PSD3: variants seen among roughly 807,000 people sequenced by gnomAD.
PSD3 encodes the protein pleckstrin and Sec7 domain containing 3, also known as PH and SEC7 domain-containing protein 3.
In PSD3, 49 loss-of-function variants were observed where a neutral mutation model predicts 105.5. The observed-to-expected ratio is 0.46, with a 90% CI of 0.37 to 0.59. The LOEUF is 0.59. PSD3 is among the 20% of genes least tolerant of loss of function. The probability of loss-of-function intolerance (pLI) is 0.00; values close to 1 mark genes in which losing one functional copy is unlikely to be tolerated. For synonymous variants in PSD3, 557 were observed against 457.8 expected (o/e 1.22, Z -2.77); for missense variants, 1,561 against 1,263.8 (o/e 1.24, Z -3.57).
chr8:18,826,105 T>C (rs1001462733), intron 4 of PSD3, among the ~76,000 whole-genome samples: 62 of 152,290 alleles, frequency 4.1e-4, no homozygotes, highest in African/African-American at 1.4e-3. Context: ...ATTCAATCTC[T>C]TCCTGACTGC....
intron 1 of PSD3, among the ~76,000 whole-genome samples, chr8:18,961,327 C>A (rs1823902339): frequency 6.6e-6 from 1 of 152,086 alleles, no homozygotes; most frequent in Non-Finnish European, 1.5e-5. Context: ...CAATATAGTA[C>A]ACAAAGAAGG....
At chr8:18,873,347 GA>G (rs1183807691) in intron 2 of PSD3, among the ~76,000 whole-genome samples, 7 of 152,156 alleles carry the variant, frequency 4.6e-5, no homozygotes, top group Non-Finnish European at 8.8e-5. Flanking sequence ...AGTGTGTTGA[GA>G]AAGACTTCCA....
chr8:18,953,533 G>T (rs1234379029), intron 1 of PSD3, among the ~76,000 whole-genome samples: 1 of 152,152 alleles, frequency 6.6e-6, no homozygotes, highest in Non-Finnish European at 1.5e-5. Flanking sequence ...TGGATTACCA[G>T]AGGTCAGGAG....
intron 11 of PSD3, among the ~76,000 whole-genome samples, chr8:18,603,101 G>A (rs186649528): frequency 9.2e-5 from 14 of 152,278 alleles, no homozygotes; most frequent in African/African-American, 1.7e-4. Flanking sequence ...GGTATCTTCC[G>A]TGAGAAAGTG....
chr8:18,570,843 C>CTATCATTATTAT (rs149261930), intron 14 of PSD3, among the ~76,000 whole-genome samples: 58 of 117,422 alleles, frequency 4.9e-4, no homozygotes, highest in South Asian at 2.3e-3. Context: ...CTGCTTAAAA[C>CTATCATTATTAT]TATTATTATT....
At chr8:18,738,425 C>G (rs141304126) in intron 9 of PSD3, among the ~76,000 whole-genome samples, 5 of 152,274 alleles carry the variant, frequency 3.3e-5, no homozygotes, top group Non-Finnish European at 7.4e-5. Context: ...GAGATAACAT[C>G]TGCATTGTCA....
chr8:18,704,135 GT>G (rs1801750360), intron 9 of PSD3, among the ~76,000 whole-genome samples: 1 of 152,188 alleles, frequency 6.6e-6, no homozygotes, highest in African/African-American at 2.4e-5. Context: ...TAAAACGCTA[GT>G]AGTTCTTTAG....
intron 1 of PSD3, among the ~76,000 whole-genome samples, chr8:19,012,874 G>A (rs1176940180): frequency 6.6e-6 from 1 of 152,134 alleles, no homozygotes; most frequent in South Asian, 2.1e-4. Context: ...AAATGAAATC[G>A]TGGTGCCCAT....
intron 4 of PSD3, among the ~76,000 whole-genome samples, chr8:18,850,920 C>T (rs1034436073): frequency 2.0e-5 from 3 of 152,264 alleles, no homozygotes; most frequent in African/African-American, 7.2e-5. Context: ...ATTGCCCCCC[C>T]TCCCTTCTGA....
intron 4 of PSD3, among the ~76,000 whole-genome samples, chr8:18,827,861 C>A (rs995442988): frequency 6.7e-6 from 1 of 150,348 alleles, no homozygotes; most frequent in Admixed American, 6.6e-5. Context: ...CTTGGTGAAT[C>A]ATAGTGCCTT....
intron 14 of PSD3, among the ~76,000 whole-genome samples, chr8:18,572,300 C>T (rs1257819442): frequency 1.3e-5 from 2 of 152,104 alleles, no homozygotes; most frequent in Non-Finnish European, 2.9e-5. Context: ...ACCTTAGAAA[C>T]TGAATCAAAG....
At chr8:18,954,770 A>C (rs1311076351) in intron 1 of PSD3, among the ~76,000 whole-genome samples, 1 of 152,168 alleles carries the variant, frequency 6.6e-6, no homozygotes, top group East Asian at 1.9e-4. Flanking sequence ...GTGGGGGCTC[A>C]AGATTCTGTA....
chr8:18,911,790 T>TCTA (rs1820240654), intron 2 of PSD3, among the ~76,000 whole-genome samples: 1 of 151,924 alleles, frequency 6.6e-6, no homozygotes, highest in Non-Finnish European at 1.5e-5. Context: ...ACACACACAC[T>TCTA]CTACCCCCCA....
At chr8:18,975,314 ATTTTTTTT>A (rs71218914) in intron 1 of PSD3, among the ~76,000 whole-genome samples, 22 of 144,358 alleles carry the variant, frequency 1.5e-4, no homozygotes, top group Admixed American at 5.5e-4. Flanking sequence ...ATTTTCTGAA[ATTTTTTTT>A]TTTTTTTTTT....
At chr8:18,768,477 A>C (rs904000179) in intron 8 of PSD3, among the ~76,000 whole-genome samples, 1 of 152,036 alleles carries the variant, frequency 6.6e-6, no homozygotes, top group African/African-American at 2.4e-5. Context: ...CGTGCTTTGC[A>C]GTCCCAGCTA....
chr8:19,071,099 G>A (rs2129477935), intron 1 of PSD3, among the ~76,000 whole-genome samples: 1 of 151,306 alleles, frequency 6.6e-6, no homozygotes, highest in Middle Eastern at 3.4e-3. Context: ...TTGTACTGTT[G>A]CCCAGGCTGG....
intron 9 of PSD3, among the ~76,000 whole-genome samples, chr8:18,743,823 C>A (rs1271355604): frequency 2.0e-5 from 3 of 151,114 alleles, no homozygotes; most frequent in Non-Finnish European, 2.9e-5. Flanking sequence ...GTGGCACATG[C>A]CTGCAGTCCC....
At chr8:18,555,873 C>T (rs776066904) in intron 15 of PSD3, among the ~76,000 whole-genome samples, 8 of 152,280 alleles carry the variant, frequency 5.3e-5, no homozygotes, top group East Asian at 1.9e-4. Context: ...CCAATTCTGC[C>T]GGAAGAGACA....
intron 4 of PSD3, among the ~76,000 whole-genome samples, chr8:18,805,203 G>A (rs1416600896): frequency 6.6e-6 from 1 of 152,128 alleles, no homozygotes; most frequent in Non-Finnish European, 1.5e-5. Flanking sequence ...TCGTAGTAAT[G>A]AAAATAGAAA....
Sources: allele counts gnomAD v4.1 joint callset (sites outside exome capture counted in the v4.1 genomes callset), GRCh38; gene constraint gnomAD v4.1.1; transcripts MANE v1.5; gene names NCBI Gene and HGNC (gene_info 2026-07-23, HGNC 2026-07-21).